Variants in TMEM196 observed in about 807,000 individuals in gnomAD.
TMEM196 encodes the protein transmembrane protein 196.
In TMEM196, 17 loss-of-function variants were observed where a neutral mutation model predicts 20.0. That is an observed-to-expected ratio of 0.85 (90% CI 0.58 to 1.27). The LOEUF (loss-of-function observed/expected upper bound fraction) is 1.27, where lower values mean the gene tolerates loss of function less well. Among genes scored for constraint, TMEM196 ranks in the 50% most tolerant of loss-of-function variants. The pLI, the probability that TMEM196 is intolerant of heterozygous loss-of-function variation, is 0.00. For missense variants in TMEM196, 267 were observed against 223.0 expected, an observed-to-expected ratio of 1.20 and a Z score of -1.26; for synonymous variants, 113 against 88.9, an observed-to-expected ratio of 1.27 and a Z score of -1.52.
At chr7:19,746,794 A>G (rs567127410) in intron 1 of TMEM196, among the ~76,000 whole-genome samples, 2 of 152,216 alleles carry the variant, frequency 1.3e-5, no homozygotes, top group African/African-American at 2.4e-5. Flanking sequence ...ATTGATTTGT[A>G]TATTTTATAG....
chr7:19,766,049 C>A (rs1272435463), intron 1 of TMEM196, among the ~76,000 whole-genome samples: 3 of 152,134 alleles, frequency 2.0e-5, no homozygotes, highest in African/African-American at 7.2e-5. Context: ...CCAGAACTAG[C>A]AGCTTTAGAA....
chr7:19,730,328 CAT>C (rs986127507), intron 1 of TMEM196, among the ~76,000 whole-genome samples: 1 of 150,742 alleles, frequency 6.6e-6, no homozygotes, highest in African/African-American at 2.4e-5. Context: ...GTAAATAAAA[CAT>C]TGTTGACATA....
chr7:19,761,828 A>G (rs1207910604), intron 1 of TMEM196, among the ~76,000 whole-genome samples: 1 of 152,164 alleles, frequency 6.6e-6, no homozygotes. Context: ...AAAAAATCTC[A>G]GAAATTTCAA....
intron 1 of TMEM196, among the ~76,000 whole-genome samples, chr7:19,739,910 T>C (rs943920008): frequency 1.3e-5 from 2 of 152,184 alleles, no homozygotes; most frequent in African/African-American, 2.4e-5. Context: ...ATAAATTGAT[T>C]ACTGAAAGGA....
chr7:19,720,206 T>C lies in TMEM196; in HGVS notation c.*1922A>G, dbSNP rs1783768781. 1 of 152,054 alleles carries C rather than the reference T, an allele frequency of 6.6e-6. No homozygotes were observed. The highest frequency in any genetic ancestry group is 2.4e-5 in the African/African-American group (1 of 41,450). 9.4% of individuals were successfully genotyped at this position (152,054 alleles called of 1,614,324 possible). A position where few individuals can be genotyped will look rare whatever the true frequency, so the allele number is the denominator to read the frequency against. On this transcript the variant is annotated 3_prime_UTR_variant, in exon 5 of 5. Transcript: ENST00000405844. ...TTTATGGACAACTTCTGTAATCTAC[T>C]AGGCAATGAAGTTATCCAAAGGAAT...
At position 19,748,397 on chromosome 7, in the gene TMEM196, C is replaced by T. The variant is rs760300703; in HGVS notation, c.148-18959G>A. Among the ~76,000 whole-genome samples, 4 of 151,346 alleles carry T rather than the reference C, an allele frequency of 2.6e-5. No homozygotes were observed. In the South Asian group the frequency reaches 6.3e-4, roughly 24 times the overall value. Reference sequence around the variant, plus strand: ...CTTATTACTATGCATTTACAATAATCGAGGAACTTTAAGTGTGTTGTCTCT... The same window carrying T: ...CTTATTACTATGCATTTACAATAATTGAGGAACTTTAAGTGTGTTGTCTCT... On this transcript the variant is annotated intron_variant, in intron 1 of 4. Transcript: ENST00000405844.
At chr7:19,741,014 T>G (rs1379769447) in intron 1 of TMEM196, among the ~76,000 whole-genome samples, 1 of 152,140 alleles carries the variant, frequency 6.6e-6, no homozygotes, top group African/African-American at 2.4e-5. Flanking sequence ...AGCTTGTAGT[T>G]CCCACACATT....
At chr7:19,743,118 C>T (rs1020225723) in intron 1 of TMEM196, among the ~76,000 whole-genome samples, 1 of 152,084 alleles carries the variant, frequency 6.6e-6, no homozygotes, top group East Asian at 1.9e-4. Flanking sequence ...AGGCTCATTT[C>T]CCCCATCAAA....
intron 1 of TMEM196, among the ~76,000 whole-genome samples, chr7:19,757,020 GA>G (rs373249625): frequency 2.8e-4 from 43 of 152,056 alleles, no homozygotes; most frequent in African/African-American, 9.9e-4. Context: ...TACAAGTCAA[GA>G]AAAGACAAGT....
chr7:19,736,343 G>A (rs1784398481), intron 1 of TMEM196, among the ~76,000 whole-genome samples: 1 of 92,782 alleles, frequency 1.1e-5, no homozygotes, highest in South Asian at 3.6e-4. Context: ...CACTTTTCTA[G>A]TGGTTCCTAC....
chr7:19,725,387 C>T lies in TMEM196; in HGVS notation c.459+127G>A, dbSNP rs930088291. ...ATAAAATAAAATTTCTATTCTTAAC[C>T]CAATAGAGCCAAATGTATAAAATCT... On this transcript the variant is annotated intron_variant, in intron 3 of 4. Coordinates refer to ENST00000405844, the MANE Select transcript of TMEM196 (RefSeq NM_001363562.2). 5.6e-6 allele frequency: 7 copies of T among 1,238,958 alleles called. No individual in the cohort carries two copies. In the African/African-American group the frequency reaches 1.1e-4, roughly 19 times the overall value. The allele number at this position is 1,238,958 out of a possible 1,614,324, so 76.7% of individuals were successfully genotyped here. A position where few individuals can be genotyped will look rare whatever the true frequency, so the allele number is the denominator to read the frequency against.
In TMEM196 at chr7:19,724,312, C is replaced by G; in HGVS notation, c.501G>C (p.Pro167=). ...AIEITDLPSC[P]VVPPTPELPT... Reference sequence around the variant, plus strand: ...GTAACTCTGGTGTCGGGGGCACCACCGGGCAGCTGGGCAAGTCGGTTATTT... The same window carrying G: ...GTAACTCTGGTGTCGGGGGCACCACGGGGCAGCTGGGCAAGTCGGTTATTT... Residue 167 remains proline (P), a synonymous_variant, in exon 4 of 5, where the codon CCG becomes CCC. Coordinates refer to ENST00000405844, the MANE Select transcript of TMEM196 (RefSeq NM_001363562.2). 2 of 1,550,344 alleles carry G rather than the reference C, an allele frequency of 1.3e-6. No individual in the cohort carries two copies. The highest frequency in any genetic ancestry group is 1.7e-6 in the Non-Finnish European group (2 of 1,146,866).
intron 1 of TMEM196, among the ~76,000 whole-genome samples, chr7:19,732,208 G>A (rs1482277839): frequency 2.0e-5 from 3 of 152,166 alleles, no homozygotes; most frequent in Non-Finnish European, 4.4e-5. Context: ...TTAGTGACTT[G>A]CTCAAGGTAA....
At chr7:19,730,302 T>C (rs1784158062) in intron 1 of TMEM196, among the ~76,000 whole-genome samples, 2 of 151,102 alleles carry the variant, frequency 1.3e-5, no homozygotes, top group Non-Finnish European at 1.5e-5. Flanking sequence ...AAGCAATTGA[T>C]AGCATATTAT....
chr7:19,729,411 A>G lies in TMEM196; in HGVS notation c.175T>C (p.Leu59=), dbSNP rs1234848610. Residue 59 remains leucine, a synonymous_variant, in exon 2 of 5, where the codon TTG becomes CTG. Transcript: ENST00000405844. ...AGTCCTGATTTTTTTTTGGCACACA[A>G]TATTCCACAAATGCCACAAAGAAGA... ...PFLLCGICGI[L]CAKKKSGLVM... 5.2e-6 allele frequency: 8 copies of G among 1,550,836 alleles called. No homozygotes were observed. Among genetic ancestry groups the G allele is most frequent in the African/African-American group, 1.4e-5 (1 of 73,002 alleles).
At position 19,719,892 on chromosome 7, in the gene TMEM196, C is replaced by T. The variant is rs772175173; in HGVS notation, c.*2236G>A. 4 of 152,042 alleles carry T rather than the reference C, an allele frequency of 2.6e-5. No homozygotes were observed. The highest frequency in any genetic ancestry group is 2.0e-4 in the Admixed American group (3 of 15,250). 9.4% of individuals were successfully genotyped at this position (152,042 alleles called of 1,614,324 possible). ...ATACATCAAAGCAGTGATATGTCTC[C>T]TTTTGTCCTTTAATGTGTTATGTTA... On this transcript the variant is annotated 3_prime_UTR_variant, in exon 5 of 5. Coordinates refer to ENST00000405844, the MANE Select transcript of TMEM196 (RefSeq NM_001363562.2).
intron 1 of TMEM196, among the ~76,000 whole-genome samples, chr7:19,760,525 T>A (rs1262773954): frequency 6.6e-6 from 1 of 151,854 alleles, no homozygotes; most frequent in Non-Finnish European, 1.5e-5. Flanking sequence ...CACGCCCGGC[T>A]AATTTTTGTA....
chr7:19,723,438 A>T (rs1186056090), intron 4 of TMEM196, among the ~76,000 whole-genome samples: 1 of 152,208 alleles, frequency 6.6e-6, no homozygotes, highest in Non-Finnish European at 1.5e-5. Context: ...TGTTATATTA[A>T]CCTTTTATTG....
chr7:19,729,272 C>G, intron 2 of TMEM196, 110 bp downstream of exon 2: 4 of 519,480 alleles, frequency 7.7e-6, no homozygotes, highest in Non-Finnish European at 8.0e-6. Context: ...TTTTTTTTTG[C>G]CTCAAACTAG....
Sources: gnomAD v4.1 joint callset for allele counts (sites outside exome capture counted in the v4.1 genomes callset) on GRCh38, gnomAD v4.1.1 for gene constraint, MANE v1.5 for transcripts, NCBI Gene and HGNC (gene_info 2026-07-23, HGNC 2026-07-21) for gene names.